OR7E24: variants seen among roughly 807,000 people sequenced by gnomAD.
OR7E24 encodes olfactory receptor 7E24.
For synonymous variants in OR7E24, 130 were observed against 157.5 expected (o/e 0.83, Z 1.31); for missense variants, 385 against 410.3 (o/e 0.94, Z 0.53).
At chr19:9,210,500 G>A in the OR7E24 span, 1 of 152,208 alleles carries the variant, frequency 6.6e-6, no homozygotes, top group Non-Finnish European at 1.5e-5. Flanking sequence ...GATTACTTGA[G>A]GCCAGGAATT....
Sources: allele counts gnomAD v4.1 joint callset, GRCh38; gene constraint gnomAD v4.1.1; transcripts MANE v1.5; gene names NCBI Gene and HGNC (gene_info 2026-07-23, HGNC 2026-07-21).